The following SAMD12 variants were observed in gnomAD, a reference collection of about 807,000 sequenced individuals.
SAMD12 encodes sterile alpha motif domain-containing protein 12.
SAMD12 carries 9 observed loss-of-function variants against 15.0 expected under a neutral mutation model. The observed-to-expected ratio is 0.60, with a 90% CI of 0.36 to 1.05. The LOEUF is 1.05. Ranked by LOEUF, SAMD12 falls within the 50% of genes least tolerant of loss-of-function variation. The probability of loss-of-function intolerance (pLI) is 0.01; values close to 1 mark genes in which losing one functional copy is unlikely to be tolerated. For missense variants in SAMD12, 230 were observed against 234.2 expected, an observed-to-expected ratio of 0.98 and a Z score of 0.12; for synonymous variants, 86 against 90.1, an observed-to-expected ratio of 0.96 and a Z score of 0.25.
the SAMD12 span, among the ~76,000 whole-genome samples, chr8:118,157,474 G>A: frequency 6.6e-6 from 1 of 152,178 alleles, no homozygotes; most frequent in South Asian, 2.1e-4. Flanking sequence ...TATTGCTGAA[G>A]CAAAAATGGC....
chr8:118,404,964 C>T (rs1451903327), intron 3 of SAMD12, among the ~76,000 whole-genome samples: 2 of 152,142 alleles, frequency 1.3e-5, no homozygotes, highest in Non-Finnish European at 2.9e-5. Context: ...GCCCAGCCTA[C>T]TAATGGTACC....
chr8:118,156,576 A>G, the SAMD12 span, among the ~76,000 whole-genome samples: 1 of 152,220 alleles, frequency 6.6e-6, no homozygotes, highest in African/African-American at 2.4e-5. Context: ...AAATACTAGT[A>G]TATTTACCAA....
intron 2 of SAMD12, among the ~76,000 whole-genome samples, chr8:118,483,655 A>G (rs933634862): frequency 6.6e-6 from 1 of 152,224 alleles, no homozygotes; most frequent in Admixed American, 6.5e-5. Flanking sequence ...ATACTTTTAT[A>G]TAATCGAAAA....
the SAMD12 span, among the ~76,000 whole-genome samples, chr8:118,148,970 T>C: frequency 3.9e-5 from 6 of 152,250 alleles, no homozygotes; most frequent in South Asian, 1.2e-3. Flanking sequence ...TTTTGGTAAT[T>C]ATGAATAAGA....
intron 4 of SAMD12, among the ~76,000 whole-genome samples, chr8:118,316,551 T>A (rs1381942623): frequency 6.6e-6 from 1 of 150,996 alleles, no homozygotes; most frequent in Admixed American, 6.6e-5. Flanking sequence ...CAAACAAAAA[T>A]TTGGAGCTTA....
intron 4 of SAMD12, among the ~76,000 whole-genome samples, chr8:118,243,734 G>C (rs1652920496): frequency 6.6e-6 from 1 of 152,120 alleles, no homozygotes; most frequent in Admixed American, 6.6e-5. Flanking sequence ...CACATACCCA[G>C]AGTGTGAAAC....
chr8:118,211,997 T>C (rs1563697259), intron 4 of SAMD12, among the ~76,000 whole-genome samples: 1 of 152,182 alleles, frequency 6.6e-6, no homozygotes, highest in Admixed American at 6.5e-5. Context: ...TTAAGTTCTA[T>C]GAGCCATCTG....
chr8:118,157,132 CTT>C, the SAMD12 span, among the ~76,000 whole-genome samples: 39,348 of 151,872 alleles, frequency 0.26, 5,205 homozygotes, highest in Admixed American at 0.31. Context: ...AGATGAGAAA[CTT>C]ATATTTAATT....
the SAMD12 span, among the ~76,000 whole-genome samples, chr8:118,136,257 T>A: frequency 6.6e-6 from 1 of 152,024 alleles, no homozygotes; most frequent in African/African-American, 2.4e-5. Flanking sequence ...CTCGAACTCC[T>A]GACCTCAAGT....
the SAMD12 span, among the ~76,000 whole-genome samples, chr8:118,166,230 C>T: frequency 9.4e-3 from 1,426 of 152,290 alleles, 12 homozygotes; most frequent in Non-Finnish European, 0.014. Context: ...CATTTACATA[C>T]TCTCAAGATT....
chr8:118,214,182 G>A (rs1208568426), intron 4 of SAMD12, among the ~76,000 whole-genome samples: 2 of 152,194 alleles, frequency 1.3e-5, no homozygotes, highest in African/African-American at 2.4e-5. Context: ...AATGGCATCC[G>A]AAGAAGAAAC....
chr8:118,511,025 T>C (rs2131065678), intron 2 of SAMD12, among the ~76,000 whole-genome samples: 1 of 152,308 alleles, frequency 6.6e-6, no homozygotes, highest in East Asian at 1.9e-4. Flanking sequence ...GGATATTATA[T>C]TTTTCTTCAC....
the SAMD12 span, among the ~76,000 whole-genome samples, chr8:118,143,723 T>G: frequency 6.6e-6 from 1 of 152,070 alleles, no homozygotes; most frequent in Non-Finnish European, 1.5e-5. Flanking sequence ...TGAGAGTATA[T>G]CAATCAGAGA....
At chr8:118,438,763 G>T (rs1822648935) in intron 3 of SAMD12, among the ~76,000 whole-genome samples, 1 of 152,110 alleles carries the variant, frequency 6.6e-6, no homozygotes, top group South Asian at 2.1e-4. Context: ...GTGTGGGTTT[G>T]GAAAGAGGTT....
chr8:118,337,174 A>G (rs967954057), intron 4 of SAMD12, among the ~76,000 whole-genome samples: 1 of 152,178 alleles, frequency 6.6e-6, no homozygotes, highest in Non-Finnish European at 1.5e-5. Context: ...AAAAAGAAAA[A>G]AAAAGGAAGA....
At chr8:118,389,935 C>T (rs1343412085) in intron 3 of SAMD12, among the ~76,000 whole-genome samples, 2 of 152,012 alleles carry the variant, frequency 1.3e-5, no homozygotes, top group Non-Finnish European at 2.9e-5. Flanking sequence ...AAACAAATTA[C>T]GTATATATGG....
intron 1 of SAMD12, among the ~76,000 whole-genome samples, chr8:118,607,361 G>A (rs1273342945): frequency 3.3e-5 from 5 of 151,906 alleles, no homozygotes; most frequent in Non-Finnish European, 5.9e-5. Context: ...CCAGCCTCCC[G>A]AGTAGCTGGG....
At chr8:118,620,852 A>G (rs545277071) in intron 1 of SAMD12, 1 of 152,374 alleles carries the variant, frequency 6.6e-6, no homozygotes, top group East Asian at 1.9e-4. Context: ...GACTGCACTC[A>G]GAAACCAAAA....
At chr8:118,205,971 A>G (rs2514954) in intron 4 of SAMD12, among the ~76,000 whole-genome samples, 78,133 of 152,092 alleles carry the variant, frequency 0.51, 21,603 homozygotes, top group Non-Finnish European at 0.62. Flanking sequence ...AAGTAAGGCC[A>G]CTAGTCTACT....
Sources: allele counts gnomAD v4.1 joint callset (sites outside exome capture counted in the v4.1 genomes callset), GRCh38; gene constraint gnomAD v4.1.1; transcripts MANE v1.5; gene names NCBI Gene and HGNC (gene_info 2026-07-23, HGNC 2026-07-21).